Variants in BANK1 observed in about 807,000 individuals in gnomAD.
BANK1 encodes B-cell scaffold protein with ankyrin repeats.
A neutral mutation model predicts 94.5 loss-of-function variants in BANK1; 95 were observed. The observed-to-expected ratio is 1.00, with a 90% CI of 0.85 to 1.19. The LOEUF (loss-of-function observed/expected upper bound fraction) is 1.19. BANK1 is among the 50% of genes most tolerant of loss of function. The probability of loss-of-function intolerance (pLI) is 0.00; values close to 1 mark genes in which losing one functional copy is unlikely to be tolerated. For missense variants in BANK1, 987 were observed against 932.2 expected (o/e 1.06, Z -0.77); for synonymous variants, 334 against 308.4 (o/e 1.08, Z -0.87).
In BANK1 at chr4:101,981,113, A is replaced by C. The variant is rs78536669; in HGVS notation, c.1207-40401A>C. Among the ~76,000 whole-genome samples, 708 of 152,198 alleles carry C rather than the reference A, an allele frequency of 4.7e-3. 12 individuals carry two copies. The East Asian group carries it at 0.056, about 12-fold the overall frequency. Reference sequence around the variant, plus strand: ...CTATTCACTGAGTGAAGTGTTATTTAATAGTTGATAGTGGGCATCCTTGCC... The same window carrying C: ...CTATTCACTGAGTGAAGTGTTATTTCATAGTTGATAGTGGGCATCCTTGCC... On this transcript the variant is annotated intron_variant, in intron 7 of 16. Coordinates refer to ENST00000322953, the MANE Select transcript of BANK1 (RefSeq NM_017935.5).
intron 7 of BANK1, among the ~76,000 whole-genome samples, chr4:101,962,383 C>T (rs116207021): frequency 1.4e-4 from 22 of 152,254 alleles, no homozygotes; most frequent in South Asian, 4.1e-4. Context: ...GGCAATATTT[C>T]TTTTCTGTTT....
At chr4:101,989,294 T>G (rs1304950729) in intron 7 of BANK1, among the ~76,000 whole-genome samples, 21 of 151,218 alleles carry the variant, frequency 1.4e-4, no homozygotes, top group Admixed American at 1.2e-3. Flanking sequence ...AATACAAAAA[T>G]GTGGTGAGCA....
chr4:101,867,605 G>A (rs1465627882), intron 4 of BANK1, among the ~76,000 whole-genome samples: 1 of 151,988 alleles, frequency 6.6e-6, no homozygotes, highest in Non-Finnish European at 1.5e-5. Context: ...ATATGGATAA[G>A]TGAAAGTAAT....
At chr4:101,846,969 C>A (rs902687083) in intron 2 of BANK1, among the ~76,000 whole-genome samples, 7 of 152,120 alleles carry the variant, frequency 4.6e-5, no homozygotes, top group Middle Eastern at 3.2e-3. Flanking sequence ...TTAAAAATGG[C>A]AACTTCCATC....
At chr4:101,967,935 CAT>C (rs777497452) in intron 7 of BANK1, among the ~76,000 whole-genome samples, 9 of 151,924 alleles carry the variant, frequency 5.9e-5, no homozygotes, top group Non-Finnish European at 1.3e-4. Flanking sequence ...ACTGCAGTAA[CAT>C]AGAATTAGAA....
chr4:102,061,496 A>T (rs1255388630), intron 12 of BANK1: 1 of 152,218 alleles, frequency 6.6e-6, no homozygotes, highest in Non-Finnish European at 1.5e-5. Flanking sequence ...GAATTACAAT[A>T]TTGCTTCTCA....
intron 7 of BANK1, among the ~76,000 whole-genome samples, chr4:102,018,224 T>A (rs1262687562): frequency 1.3e-5 from 2 of 152,200 alleles, no homozygotes; most frequent in South Asian, 2.1e-4. Flanking sequence ...CTCTAATTCT[T>A]CAGCCTAGTA....
At chr4:101,881,905 G>A (rs1291332914) in intron 5 of BANK1, among the ~76,000 whole-genome samples, 1 of 151,906 alleles carries the variant, frequency 6.6e-6, no homozygotes, top group African/African-American at 2.4e-5. Flanking sequence ...GTAGAAGGAT[G>A]GTTACCAGAG....
intron 6 of BANK1, among the ~76,000 whole-genome samples, chr4:101,904,553 G>A (rs184995146): frequency 6.6e-6 from 1 of 152,240 alleles, no homozygotes; most frequent in East Asian, 1.9e-4. Flanking sequence ...CAGGAACTTT[G>A]TTTTTCCTCT....
At chr4:101,891,260 T>A (rs933818247) in intron 5 of BANK1, among the ~76,000 whole-genome samples, 2 of 152,132 alleles carry the variant, frequency 1.3e-5, no homozygotes, top group African/African-American at 4.8e-5. Context: ...CTGAAGGGTA[T>A]TTTTTGCTGG....
At chr4:102,042,420 C>G (rs1300180063) in intron 10 of BANK1, among the ~76,000 whole-genome samples, 1 of 151,976 alleles carries the variant, frequency 6.6e-6, no homozygotes, top group African/African-American at 2.4e-5. Context: ...TACTTTTTCT[C>G]AAACACGTCA....
intron 2 of BANK1, among the ~76,000 whole-genome samples, chr4:101,836,464 A>G (rs1726832863): frequency 6.6e-6 from 1 of 152,238 alleles, no homozygotes; most frequent in African/African-American, 2.4e-5. Context: ...TGGGCGACAG[A>G]GCGAGACTCT....
rs192722835 is a variant in BANK1, at chr4:102,022,458, C to G, written c.1285+866C>G. ...GCCATTTCTCTCCCCTTTCATTATC[C>G]TAGTCCACACCATCATCAGTTCTCC... On this transcript the variant is annotated intron_variant, in intron 8 of 16. Transcript: ENST00000322953. Among the ~76,000 whole-genome samples, 46 of 152,214 alleles carry G rather than the reference C, an allele frequency of 3.0e-4. 1 individual carries two copies. Among genetic ancestry groups the G allele is most frequent in the African/African-American group, 1.1e-3 (44 of 41,550 alleles).
chr4:102,073,897 G>T, intron 16 of BANK1, 108 bp from the exon 17 acceptor site: 1 of 583,136 alleles, frequency 1.7e-6, no homozygotes, highest in Admixed American at 3.4e-5. Flanking sequence ...AGCTAAAGGT[G>T]ATTGCTCTGT....
intron 3 of BANK1, among the ~76,000 whole-genome samples, chr4:101,860,132 C>A (rs1727813007): frequency 6.6e-6 from 1 of 152,198 alleles, no homozygotes; most frequent in South Asian, 2.1e-4. Flanking sequence ...AATTAAATAT[C>A]ATGCCAACAT....
At chr4:102,057,442 T>C (rs558468669) in intron 11 of BANK1, among the ~76,000 whole-genome samples, 2 of 151,986 alleles carry the variant, frequency 1.3e-5, no homozygotes, top group South Asian at 4.2e-4. Context: ...CACTGCAGCC[T>C]TGATCTTCCA....
At chr4:101,923,517 T>A (rs1473958772) in intron 7 of BANK1, among the ~76,000 whole-genome samples, 1 of 151,814 alleles carries the variant, frequency 6.6e-6, no homozygotes, top group East Asian at 2.0e-4. Flanking sequence ...GCCCTCTTTC[T>A]GAAGGTCCAC....
intron 1 of BANK1, among the ~76,000 whole-genome samples, chr4:101,822,618 T>C (rs947458361): frequency 8.7e-6 from 1 of 114,676 alleles, no homozygotes; most frequent in East Asian, 2.7e-4. Flanking sequence ...GAATCAATAC[T>C]TTTTTTTTTT....
intron 7 of BANK1, among the ~76,000 whole-genome samples, chr4:101,936,102 T>C (rs944008256): frequency 9.9e-5 from 15 of 150,814 alleles, no homozygotes; most frequent in African/African-American, 3.7e-4. Context: ...ATAAGCAAAG[T>C]GAAGGGACAA....
Sources: allele counts gnomAD v4.1 joint callset (sites outside exome capture counted in the v4.1 genomes callset), GRCh38; gene constraint gnomAD v4.1.1; transcripts MANE v1.5; gene names NCBI Gene and HGNC (gene_info 2026-07-23, HGNC 2026-07-21).